IMPA2: variants seen among roughly 807,000 people sequenced by gnomAD.
The protein encoded by IMPA2 is IMP 2.
IMPA2 carries 32 observed loss-of-function variants against 35.1 expected under a neutral mutation model. The ratio of observed to expected loss-of-function variants is 0.91; its 90% CI spans 0.69 to 1.23. The LOEUF (loss-of-function observed/expected upper bound fraction) is 1.23, where lower values mean the gene tolerates loss of function less well. Ranked by LOEUF, IMPA2 falls within the 50% of genes most tolerant of loss-of-function variation. IMPA2 has a pLI of 0.00. For synonymous variants in IMPA2, 135 were observed against 160.6 expected (o/e 0.84, Z 1.20); for missense variants, 334 against 387.6 (o/e 0.86, Z 1.16).
intron 2 of IMPA2, among the ~76,000 whole-genome samples, chr18:12,004,536 T>G (rs953329685): frequency 6.7e-6 from 1 of 148,834 alleles, no homozygotes; most frequent in African/African-American, 2.4e-5. Flanking sequence ...TATTGTGGGT[T>G]TTTTTTTTTT....
At chr18:11,996,812 C>T (rs1906970073) in intron 1 of IMPA2, among the ~76,000 whole-genome samples, 1 of 152,014 alleles carries the variant, frequency 6.6e-6, no homozygotes, top group Non-Finnish European at 1.5e-5. Flanking sequence ...GCCTTTCTCA[C>T]CCCAGCTCTA....
chr18:12,010,263 G>A lies in IMPA2; in HGVS notation c.335+276G>A. On this transcript the variant is annotated intron_variant, in intron 3 of 7. Transcript: ENST00000269159. This position sits in a 1 kb window ranked among gnomAD's most constrained non-coding sequence, Gnocchi z 4.8. ...GGGTTGCATTTAACAAGGACCCCTT[G>A]AAGGAGTCTGACTCCCCTCACACCC... The A allele has an allele frequency of 5.7e-6, 2 of 351,388 alleles. No homozygotes were observed. Among genetic ancestry groups the A allele is most frequent in the Non-Finnish European group, 1.0e-5 (2 of 191,000 alleles). 21.8% of individuals were successfully genotyped at this position (351,388 alleles called of 1,614,324 possible).
At chr18:12,018,300 G>A (rs1907637416) in intron 5 of IMPA2, 1 of 152,336 alleles carries the variant, frequency 6.6e-6, no homozygotes, top group African/African-American at 2.4e-5. Flanking sequence ...CAGTTGACAA[G>A]CTTGTTCTAT....
intron 1 of IMPA2, among the ~76,000 whole-genome samples, chr18:11,997,614 G>T (rs578046950): frequency 2.6e-5 from 4 of 152,166 alleles, no homozygotes; most frequent in African/African-American, 9.7e-5. Flanking sequence ...GCTGAGTTTC[G>T]GGGGCTCCTG....
intron 5 of IMPA2, among the ~76,000 whole-genome samples, chr18:12,017,460 CA>C (rs1261466439): frequency 3.3e-5 from 5 of 152,156 alleles, no homozygotes; most frequent in Non-Finnish European, 7.3e-5. Flanking sequence ...TTCAAATTTC[CA>C]ATTGTCTCGT....
At chr18:12,011,384 G>C (rs1412723010) in intron 3 of IMPA2, among the ~76,000 whole-genome samples, 1 of 152,274 alleles carries the variant, frequency 6.6e-6, no homozygotes, top group African/African-American at 2.4e-5. Context: ...CTGGGCCACA[G>C]CAGTGGGAGA....
chr18:12,021,357 C>T (rs1165911825), intron 5 of IMPA2, among the ~76,000 whole-genome samples: 1 of 151,990 alleles, frequency 6.6e-6, no homozygotes, highest in East Asian at 1.9e-4. Context: ...CCACTGCACT[C>T]TAGCCTGGGA....
chr18:12,016,524 C>T (rs1907583809), intron 5 of IMPA2, among the ~76,000 whole-genome samples: 1 of 151,432 alleles, frequency 6.6e-6, no homozygotes, highest in Non-Finnish European at 1.5e-5. Flanking sequence ...CTCCTGGGTT[C>T]AAGTGATTCT....
intron 5 of IMPA2, chr18:12,017,487 C>A (rs1199306496): frequency 8.8e-6 from 2 of 227,444 alleles, no homozygotes; most frequent in Non-Finnish European, 8.9e-6. Context: ...TGGAAAGTGG[C>A]CTCCTAAGGT....
chr18:12,020,168 C>T (rs1348602328), intron 5 of IMPA2, among the ~76,000 whole-genome samples: 1 of 146,832 alleles, frequency 6.8e-6, no homozygotes, highest in African/African-American at 2.7e-5. Flanking sequence ...CCACCACACT[C>T]GGCCTTTATT....
rs1906803287 is a variant in IMPA2, at chr18:11,991,201, G to A, written c.97-7853G>A. 6.6e-6 allele frequency among the ~76,000 whole-genome samples: 1 copy of A among 152,208 alleles called. No homozygotes were observed. Among genetic ancestry groups the A allele is most frequent in the Non-Finnish European group, 1.5e-5 (1 of 68,036 alleles). On this transcript the variant is annotated intron_variant, in intron 1 of 7. Coordinates refer to ENST00000269159, the MANE Select transcript of IMPA2 (RefSeq NM_014214.3). The surrounding 1 kb of genome is among the most constrained non-coding windows in gnomAD (Gnocchi z 4.1). ...CAGGCCACGGGCCCTGGAACACAGG[G>A]AATGCAGCTGGGATGTGGGTGACGG...
rs940651247 is a variant in IMPA2 at position 12,012,255 on chromosome 18, C to T, written c.381+40C>T. ...CAGGTCCCCAGGGCCCCTCCCTGGG[C>T]TCCCTCTGGCCATCCTTCCTTTCTG... On this transcript the variant is annotated intron_variant, in intron 4 of 7. Coordinates refer to ENST00000269159, the MANE Select transcript of IMPA2 (RefSeq NM_014214.3). 7 of 1,540,638 alleles carry T rather than the reference C, an allele frequency of 4.5e-6. No individual in the cohort carries two copies. In the African/African-American group the frequency reaches 6.8e-5, roughly 15 times the overall value.
chr18:12,014,178 C>T (rs979265351), intron 4 of IMPA2, 87 bp from the exon 5 acceptor site: 11 of 901,670 alleles, frequency 1.2e-5, no homozygotes, highest in East Asian at 5.1e-5. Flanking sequence ...ACGCCTAGCG[C>T]AGCCTTCATC....
chr18:11,981,858 C>T, intron 1 of IMPA2, 93 bp downstream of exon 1: 4 of 879,402 alleles, frequency 4.5e-6, no homozygotes, highest in Non-Finnish European at 4.5e-6. Context: ...GGCGCGCAGC[C>T]GGCGGGCGCC....
chr18:11,998,017 A>T (rs1449421407), intron 1 of IMPA2, among the ~76,000 whole-genome samples: 3 of 152,172 alleles, frequency 2.0e-5, no homozygotes, highest in Non-Finnish European at 4.4e-5. Flanking sequence ...AAAATAAAAA[A>T]TGAGCTGGGT....
chr18:12,011,980 A>G (rs73946218), intron 3 of IMPA2, among the ~76,000 whole-genome samples, 190 bp from the exon 4 acceptor site: 2,594 of 152,368 alleles, frequency 0.017, 57 homozygotes, highest in African/African-American at 0.043. Flanking sequence ...TAACTGTCTT[A>G]CGACATGGTC....
intron 7 of IMPA2, among the ~76,000 whole-genome samples, chr18:12,029,621 A>C (rs974149545): frequency 6.7e-6 from 1 of 149,830 alleles, no homozygotes; most frequent in Admixed American, 6.7e-5. Context: ...GGGTTTTGCC[A>C]TGTTGGTCAG....
Position 12,030,501 on chromosome 18 carries a change from C to T in IMPA2, c.*43C>T. ...CTGCTCCCAAGGCCTCCCTGGGCTG[C>T]TGTGGGCTCCTGGGGAGGTGGCCCT... On this transcript the variant is annotated 3_prime_UTR_variant, in exon 8 of 8. Coordinates refer to ENST00000269159, the MANE Select transcript of IMPA2 (RefSeq NM_014214.3). 6.6e-7 allele frequency: 1 copy of T among 1,516,414 alleles called. No individual in the cohort carries two copies. The highest frequency in any genetic ancestry group is 9.2e-7 in the Non-Finnish European group (1 of 1,091,766). 93.9% of individuals were successfully genotyped at this position (1,516,414 alleles called of 1,614,324 possible).
intron 4 of IMPA2, among the ~76,000 whole-genome samples, chr18:12,013,574 A>G (rs1270764721): frequency 1.3e-5 from 2 of 152,206 alleles, no homozygotes; most frequent in African/African-American, 4.8e-5. Flanking sequence ...CTAAGCAAGC[A>G]TGCTGGCCCT....
Sources: gnomAD v4.1 joint callset for allele counts (sites outside exome capture counted in the v4.1 genomes callset) on GRCh38, gnomAD v4.1.1 for gene constraint, Gnocchi (gnomAD v3.1) non-coding constraint, MANE v1.5 for transcripts, NCBI Gene and HGNC (gene_info 2026-07-23, HGNC 2026-07-21) for gene names.